Variants in ZNF487 observed in about 807,000 individuals in gnomAD.
ZNF487 encodes the protein KRAB domain only 1.
In ZNF487, 4 loss-of-function variants were observed where a neutral mutation model predicts 3.0. That is an observed-to-expected ratio of 1.35 (90% CI 0.66 to 3.08). The LOEUF (loss-of-function observed/expected upper bound fraction) is 3.08, where lower values mean the gene tolerates loss of function less well. ZNF487 is among the 30% of genes most tolerant of loss of function. The pLI, the probability that ZNF487 is intolerant of heterozygous loss-of-function variation, is 0.01. For synonymous variants in ZNF487, 55 were observed against 34.6 expected, an observed-to-expected ratio of 1.59 and a Z score of -2.06; for missense variants, 146 against 98.7, an observed-to-expected ratio of 1.48 and a Z score of -2.03.
the ZNF487 span, among the ~76,000 whole-genome samples, chr10:43,498,429 G>T: frequency 3.3e-5 from 5 of 149,964 alleles, no homozygotes; most frequent in East Asian, 1.0e-3. Flanking sequence ...TAGCTGTGTT[G>T]CCACCATGCC....
In ZNF487 at chr10:43,482,500, G is replaced by A. The variant is rs1398028452; in HGVS notation, c.*578G>A. On this transcript the variant is annotated 3_prime_UTR_variant, in exon 4 of 4. Coordinates refer to ENST00000437590, the MANE Select transcript of ZNF487 (RefSeq NM_001355444.3). ...CACACACGGGACAAAACCTATGAAT[G>A]TAATGAATGTGGAAAAAACTTCTGT... The A allele has an allele frequency of 2.1e-6, 1 of 475,276 alleles. No individual in the cohort carries two copies. Among genetic ancestry groups the A allele is most frequent in the African/African-American group, 2.0e-5 (1 of 50,292 alleles). 29.4% of individuals were successfully genotyped at this position (475,276 alleles called of 1,614,324 possible). A position where few individuals can be genotyped will look rare whatever the true frequency, so the allele number is the denominator to read the frequency against.
downstream of ZNF487, chr10:43,483,244 G>T (rs1026149207): frequency 1.6e-5 from 6 of 377,052 alleles, no homozygotes; most frequent in African/African-American, 1.1e-4. Context: ...TTCTTTTCTT[G>T]TTGTTACTTT....
intron 1 of ZNF487, among the ~76,000 whole-genome samples, chr10:43,471,488 C>T (rs923332305): frequency 8.5e-5 from 13 of 152,184 alleles, no homozygotes; most frequent in African/African-American, 2.9e-4. Flanking sequence ...AAAGGGCCAG[C>T]GTGACAGTCT....
At chr10:43,461,479 C>G (rs768197862) in intron 1 of ZNF487, among the ~76,000 whole-genome samples, 11 of 152,012 alleles carry the variant, frequency 7.2e-5, no homozygotes, top group Non-Finnish European at 1.6e-4. Flanking sequence ...ACCATAATGC[C>G]TGGTTACTTT....
chr10:43,443,594 G>A (rs1007930374), intron 1 of ZNF487, among the ~76,000 whole-genome samples: 1 of 151,454 alleles, frequency 6.6e-6, no homozygotes, highest in Non-Finnish European at 1.5e-5. Flanking sequence ...GGCTGGTCTC[G>A]AACTCCTGAC....
chr10:43,483,428 C>T (rs997174515), downstream of ZNF487, among the ~76,000 whole-genome samples: 10 of 151,594 alleles, frequency 6.6e-5, no homozygotes, highest in Non-Finnish European at 1.2e-4. Flanking sequence ...TTAGTAGAGA[C>T]GGGGTTTCAC....
chr10:43,449,312 C>A (rs1186161099), intron 1 of ZNF487, among the ~76,000 whole-genome samples: 1 of 151,746 alleles, frequency 6.6e-6, no homozygotes, highest in Non-Finnish European at 1.5e-5. Context: ...AAAAAAAAAT[C>A]AACTGTATAT....
the ZNF487 span, among the ~76,000 whole-genome samples, chr10:43,510,166 G>A: frequency 6.6e-6 from 1 of 152,164 alleles, no homozygotes. Flanking sequence ...CTTAACAAAA[G>A]AGGGAGGAAA....
chr10:43,474,183 G>A (rs1193175087), intron 1 of ZNF487, among the ~76,000 whole-genome samples: 3 of 151,242 alleles, frequency 2.0e-5, no homozygotes, highest in Non-Finnish European at 4.4e-5. Context: ...GCAGGGGCTG[G>A]GTGCGGTGTG....
At chr10:43,488,731 T>G in the ZNF487 span, among the ~76,000 whole-genome samples, 2 of 152,196 alleles carry the variant, frequency 1.3e-5, no homozygotes, top group African/African-American at 4.8e-5. Flanking sequence ...TTTCCAACAC[T>G]GTAGCAGCAC....
At chr10:43,449,868 C>T (rs915381539) in intron 1 of ZNF487, among the ~76,000 whole-genome samples, 3 of 151,914 alleles carry the variant, frequency 2.0e-5, no homozygotes, top group African/African-American at 4.8e-5. Context: ...TTAGTAGAGA[C>T]GGGGTTTCCC....
chr10:43,460,114 T>C (rs1260089339), intron 1 of ZNF487, among the ~76,000 whole-genome samples: 4 of 152,044 alleles, frequency 2.6e-5, no homozygotes, highest in African/African-American at 7.2e-5. Context: ...TGAATTATTA[T>C]TATTTTTTTA....
chr10:43,467,508 CT>C (rs1165370065), intron 1 of ZNF487, among the ~76,000 whole-genome samples: 1 of 151,702 alleles, frequency 6.6e-6, no homozygotes, highest in Non-Finnish European at 1.5e-5. Context: ...CGACCTTCAA[CT>C]TTTATTGTTT....
chr10:43,444,500 G>A (rs1339219059), intron 1 of ZNF487, among the ~76,000 whole-genome samples: 2 of 152,052 alleles, frequency 1.3e-5, no homozygotes, highest in Admixed American at 6.6e-5. Context: ...TTTTGTTGCC[G>A]GGCGTGGTGG....
downstream of ZNF487, among the ~76,000 whole-genome samples, chr10:43,485,506 C>T (rs1841463828): frequency 6.6e-6 from 1 of 152,142 alleles, no homozygotes; most frequent in African/African-American, 2.4e-5. Context: ...TCTGTATGGG[C>T]GATGAAGTGT....
chr10:43,495,320 T>C, the ZNF487 span, among the ~76,000 whole-genome samples: 1 of 151,456 alleles, frequency 6.6e-6, no homozygotes, highest in African/African-American at 2.4e-5. Context: ...CTCGGCTCAC[T>C]GCAACCTCCG....
intron 1 of ZNF487, among the ~76,000 whole-genome samples, chr10:43,459,116 T>A (rs1840325480): frequency 6.6e-6 from 1 of 152,182 alleles, no homozygotes; most frequent in African/African-American, 2.4e-5. Flanking sequence ...CTCAGTTGGT[T>A]TCTGATCTAG....
At chr10:43,497,841 C>T in the ZNF487 span, among the ~76,000 whole-genome samples, 1 of 151,080 alleles carries the variant, frequency 6.6e-6, no homozygotes, top group African/African-American at 2.4e-5. Context: ...GTGTCAGGCG[C>T]CTGTAGTCCC....
chr10:43,451,303 T>C (rs111889673), intron 1 of ZNF487, among the ~76,000 whole-genome samples: 1 of 151,826 alleles, frequency 6.6e-6, no homozygotes, highest in African/African-American at 2.4e-5. Flanking sequence ...TGGAGTGCAA[T>C]GGTGCGATCT....
Sources: allele counts gnomAD v4.1 joint callset (sites outside exome capture counted in the v4.1 genomes callset), GRCh38; gene constraint gnomAD v4.1.1; transcripts MANE v1.5; gene names NCBI Gene and HGNC (gene_info 2026-07-23, HGNC 2026-07-21).